RSPRY1: variants seen among roughly 807,000 people sequenced by gnomAD.
RSPRY1 encodes ring finger and SPRY domain containing 1.
Under a neutral mutation model 73.1 loss-of-function variants are expected in RSPRY1, and 23 were observed. The observed-to-expected ratio is 0.31, with a 90% CI of 0.23 to 0.45. The LOEUF is 0.45. Ranked by LOEUF, RSPRY1 falls within the 20% of genes least tolerant of loss-of-function variation. The pLI is 1.00. For missense variants in RSPRY1, 448 were observed against 698.7 expected (o/e 0.64, Z 4.05); for synonymous variants, 226 against 251.4 (o/e 0.90, Z 0.95).
chr16:57,233,738 C>G (rs766276961), intron 13 of RSPRY1, among the ~76,000 whole-genome samples: 49 of 152,170 alleles, frequency 3.2e-4, no homozygotes, highest in Non-Finnish European at 4.3e-4. Context: ...TCCTTGACAC[C>G]TTACTTTCTG....
chr16:57,238,981 G>A lies in RSPRY1; in HGVS notation c.*6G>A, dbSNP rs1266508436. 1 of 1,497,872 alleles carries A rather than the reference G, an allele frequency of 6.7e-7. No homozygotes were observed. The highest frequency in any genetic ancestry group is 9.2e-7 in the Non-Finnish European group (1 of 1,084,796). 92.8% of individuals were successfully genotyped at this position (1,497,872 alleles called of 1,614,324 possible). A position where few individuals can be genotyped will look rare whatever the true frequency, so the allele number is the denominator to read the frequency against. On this transcript the variant is annotated 3_prime_UTR_variant, in exon 15 of 15. Transcript: ENST00000394420. ...AGATTTCTCATATTTCATGACACAT[G>A]TGAAGAGGCATCGTGGACTTTTTTC...
chr16:57,216,790 A>G, intron 7 of RSPRY1, 114 bp from the exon 8 acceptor site: 1 of 965,518 alleles, frequency 1.0e-6, no homozygotes, highest in South Asian at 1.5e-5. Flanking sequence ...ATTGAAGTCT[A>G]ATCTAGTCTC....
intron 8 of RSPRY1, 83 bp from the exon 9 acceptor site, chr16:57,220,649 G>T (rs2075019547): frequency 1.3e-6 from 1 of 775,986 alleles, no homozygotes; most frequent in Non-Finnish European, 2.2e-6. Context: ...TCTTCCTCTT[G>T]TCTGATTGCT....
At chr16:57,198,599 T>C (rs1597860032) in intron 1 of RSPRY1, among the ~76,000 whole-genome samples, 1 of 152,210 alleles carries the variant, frequency 6.6e-6, no homozygotes, top group African/African-American at 2.4e-5. Context: ...TAGGCTCCCC[T>C]ATTCTTTTTG....
intron 10 of RSPRY1, among the ~76,000 whole-genome samples, chr16:57,224,212 A>G (rs2075085734): frequency 1.3e-5 from 2 of 152,238 alleles, no homozygotes; most frequent in South Asian, 4.1e-4. Flanking sequence ...TTGCTGCTGG[A>G]AATCCATCCT....
chr16:57,222,806 T>C (rs776273997), intron 10 of RSPRY1, among the ~76,000 whole-genome samples: 6 of 152,180 alleles, frequency 3.9e-5, no homozygotes, highest in Admixed American at 1.3e-4. Flanking sequence ...GGGAGGAAGC[T>C]TCGATATAAA....
chr16:57,189,593 C>CTTTTTTT (rs544146883), intron 1 of RSPRY1, among the ~76,000 whole-genome samples: 40 of 124,060 alleles, frequency 3.2e-4, no homozygotes, highest in East Asian at 9.2e-4. Context: ...CTTTTCTTTT[C>CTTTTTTT]TTTTTTTTTT....
intron 10 of RSPRY1, among the ~76,000 whole-genome samples, chr16:57,223,938 CTT>C: frequency 6.6e-6 from 1 of 152,312 alleles, no homozygotes; most frequent in Non-Finnish European, 1.5e-5. Context: ...AATTAAGAAA[CTT>C]CCCCAAAGCC....
chr16:57,220,123 G>A (rs1269822255), intron 8 of RSPRY1: 10 of 152,056 alleles, frequency 6.6e-5, no homozygotes, highest in African/African-American at 2.2e-4. Flanking sequence ...TGAGGGTCAG[G>A]TTTTTTGCTA....
chr16:57,223,421 T>C (rs2075071005), intron 10 of RSPRY1, among the ~76,000 whole-genome samples: 1 of 152,232 alleles, frequency 6.6e-6, no homozygotes, highest in South Asian at 2.1e-4. Context: ...TGTTGTATTG[T>C]ATATTTTTAT....
At chr16:57,236,018 C>T (rs1251999107) in intron 14 of RSPRY1, among the ~76,000 whole-genome samples, 1 of 152,184 alleles carries the variant, frequency 6.6e-6, no homozygotes, top group East Asian at 1.9e-4. Context: ...TCATTTCACC[C>T]TTAGCTATAC....
chr16:57,201,590 G>A (rs976617088), intron 1 of RSPRY1, among the ~76,000 whole-genome samples: 2 of 152,256 alleles, frequency 1.3e-5, no homozygotes, highest in African/African-American at 2.4e-5. Flanking sequence ...TCGGCACTTT[G>A]GGGGGCCAAG....
chr16:57,206,810 G>A (rs1410784803), intron 2 of RSPRY1, among the ~76,000 whole-genome samples: 4 of 152,138 alleles, frequency 2.6e-5, no homozygotes, highest in African/African-American at 9.7e-5. Flanking sequence ...AGCGATTGTC[G>A]AGCTTCAGCC....
chr16:57,221,143 C>T, intron 9 of RSPRY1, 129 bp from the exon 10 acceptor site: 1 of 1,142,960 alleles, frequency 8.7e-7, no homozygotes, highest in East Asian at 2.4e-5. Flanking sequence ...TGAGGATGGA[C>T]AGAGGAGGAA....
chr16:57,223,813 G>T (rs2075078591), intron 10 of RSPRY1, among the ~76,000 whole-genome samples: 1 of 152,144 alleles, frequency 6.6e-6, no homozygotes, highest in African/African-American at 2.4e-5. Flanking sequence ...TTTTTTGTGA[G>T]TGTCTGTCAT....
chr16:57,187,370 C>T (rs2074244124), intron 1 of RSPRY1, among the ~76,000 whole-genome samples: 1 of 152,160 alleles, frequency 6.6e-6, no homozygotes, highest in African/African-American at 2.4e-5. Context: ...GAGGTCCTGT[C>T]TTGTATAGTT....
chr16:57,190,400 C>G (rs1274943398), intron 1 of RSPRY1, among the ~76,000 whole-genome samples: 1 of 152,062 alleles, frequency 6.6e-6, no homozygotes, highest in Admixed American at 6.6e-5. Flanking sequence ...TAGTAGGATA[C>G]TTGTAAAGTG....
At chr16:57,210,692 G>A (rs958549232) in intron 4 of RSPRY1, among the ~76,000 whole-genome samples, 6 of 148,946 alleles carry the variant, frequency 4.0e-5, no homozygotes, top group East Asian at 2.0e-4. Context: ...CAGCCTGGGC[G>A]ACAAAGCGAA....
intron 4 of RSPRY1, among the ~76,000 whole-genome samples, chr16:57,212,210 C>T (rs1323186011): frequency 5.9e-5 from 9 of 152,130 alleles, no homozygotes; most frequent in Non-Finnish European, 5.9e-5. Context: ...ACGAGGGAGG[C>T]TGAAGTGGGA....
Sources: gnomAD v4.1 joint callset for allele counts (sites outside exome capture counted in the v4.1 genomes callset) on GRCh38, gnomAD v4.1.1 for gene constraint, MANE v1.5 for transcripts, NCBI Gene and HGNC (gene_info 2026-07-23, HGNC 2026-07-21) for gene names.